The following NEDD4L variants were observed in gnomAD, a reference collection of about 807,000 sequenced individuals.
NEDD4L encodes E3 ubiquitin-protein ligase NEDD4-like.
NEDD4L carries 54 observed loss-of-function variants against 148.9 expected under a neutral mutation model. That is an observed-to-expected ratio of 0.36 (90% CI 0.29 to 0.45). The LOEUF (loss-of-function observed/expected upper bound fraction) is 0.45. NEDD4L is among the 20% of genes least tolerant of loss of function. The pLI is 1.00. For missense variants in NEDD4L, 856 were observed against 1,233.8 expected (o/e 0.69, Z 4.59); for synonymous variants, 433 against 440.7 (o/e 0.98, Z 0.22).
intron 19 of NEDD4L, chr18:58,359,761 A>C (rs2045227825): frequency 6.6e-6 from 1 of 152,074 alleles, no homozygotes; most frequent in Non-Finnish European, 1.5e-5. Context: ...TTGGAAATGC[A>C]AGTTTTCAGG....
chr18:58,137,567 T>C (rs1046701222), intron 1 of NEDD4L, among the ~76,000 whole-genome samples: 1 of 152,230 alleles, frequency 6.6e-6, no homozygotes, highest in African/African-American at 2.4e-5. Context: ...GTGTATTCAC[T>C]GCCTGTCCTT....
intron 18 of NEDD4L, chr18:58,351,350 A>G (rs1372645481): frequency 1.2e-5 from 2 of 168,288 alleles, no homozygotes; most frequent in African/African-American, 4.8e-5. Flanking sequence ...CATTTAATAA[A>G]TACACTCTGG....
At chr18:58,383,748 G>A (rs2022868176) in intron 25 of NEDD4L, among the ~76,000 whole-genome samples, 1 of 152,150 alleles carries the variant, frequency 6.6e-6, no homozygotes, top group South Asian at 2.1e-4. Flanking sequence ...AGTTAAAATG[G>A]ATAGGAAGAA....
intron 1 of NEDD4L, among the ~76,000 whole-genome samples, chr18:58,064,314 G>C (rs569310079): frequency 2.6e-5 from 4 of 152,286 alleles, no homozygotes; most frequent in African/African-American, 9.6e-5. Flanking sequence ...GATGTTTATA[G>C]CTGGTATATC....
At chr18:58,279,708 G>A (rs1261664210) in intron 5 of NEDD4L, among the ~76,000 whole-genome samples, 1 of 152,202 alleles carries the variant, frequency 6.6e-6, no homozygotes, top group Admixed American at 6.5e-5. Flanking sequence ...CATGCTCTGT[G>A]ATGTAATTGG....
chr18:58,377,840 T>G (rs2047774658), intron 24 of NEDD4L, among the ~76,000 whole-genome samples: 1 of 152,176 alleles, frequency 6.6e-6, no homozygotes. Flanking sequence ...GCCTCCTACT[T>G]TCAAGCAATT....
chr18:58,145,603 C>T (rs2034016046), intron 1 of NEDD4L, among the ~76,000 whole-genome samples: 1 of 151,274 alleles, frequency 6.6e-6, no homozygotes, highest in African/African-American at 2.4e-5. Flanking sequence ...CCAATTTTAT[C>T]AAACCTATGG....
At chr18:58,375,863 TTGG>T (rs2047495991) in intron 24 of NEDD4L, among the ~76,000 whole-genome samples, 1 of 152,208 alleles carries the variant, frequency 6.6e-6, no homozygotes, top group African/African-American at 2.4e-5. Flanking sequence ...CAGTCAAGTC[TTGG>T]TGGCTTTTTT....
At chr18:58,394,510 C>G (rs2050234785) in intron 30 of NEDD4L, among the ~76,000 whole-genome samples, 1 of 152,258 alleles carries the variant, frequency 6.6e-6, no homozygotes, top group Non-Finnish European at 1.5e-5. Context: ...AAGCCTGAAG[C>G]CACTTTCGGT....
intron 5 of NEDD4L, among the ~76,000 whole-genome samples, chr18:58,266,746 TG>T (rs2050276925): frequency 6.6e-6 from 1 of 152,172 alleles, no homozygotes; most frequent in Non-Finnish European, 1.5e-5. Flanking sequence ...GCAGTATTCA[TG>T]GATGTGACTT....
chr18:58,379,284 A>G (rs181997271), intron 24 of NEDD4L, among the ~76,000 whole-genome samples: 14 of 152,146 alleles, frequency 9.2e-5, no homozygotes, highest in African/African-American at 3.4e-4. Context: ...GTCCACCCTC[A>G]TGACGGGGGC....
intron 1 of NEDD4L, among the ~76,000 whole-genome samples, chr18:58,061,720 A>G (rs1192766551): frequency 1.3e-5 from 2 of 152,240 alleles, no homozygotes; most frequent in African/African-American, 2.4e-5. Context: ...TGTAAAACTT[A>G]TAACTTAAAA....
intron 5 of NEDD4L, among the ~76,000 whole-genome samples, chr18:58,259,765 T>C (rs1333307105): frequency 6.6e-6 from 1 of 152,192 alleles, no homozygotes; most frequent in Non-Finnish European, 1.5e-5. Context: ...CTACTGCATA[T>C]GCTATTGGAG....
intron 2 of NEDD4L, among the ~76,000 whole-genome samples, chr18:58,183,971 C>T (rs1021817851): frequency 5.3e-5 from 8 of 152,146 alleles, no homozygotes; most frequent in African/African-American, 1.9e-4. Context: ...AGATCAAGGC[C>T]ATCCTGGCTA....
At chr18:58,380,335 T>TA (rs60461777) in intron 24 of NEDD4L, among the ~76,000 whole-genome samples, 5 of 151,072 alleles carry the variant, frequency 3.3e-5, no homozygotes, top group African/African-American at 1.2e-4. Context: ...TTTATTTATT[T>TA]TGAGATGGAG....
At chr18:58,151,210 A>C (rs767073343) in intron 1 of NEDD4L, among the ~76,000 whole-genome samples, 9 of 152,192 alleles carry the variant, frequency 5.9e-5, no homozygotes, top group Non-Finnish European at 7.3e-5. Context: ...AGTGGTGTCA[A>C]GGGAAAGAAA....
At chr18:58,263,660 CTT>C (rs71173041) in intron 5 of NEDD4L, among the ~76,000 whole-genome samples, 6 of 103,704 alleles carry the variant, frequency 5.8e-5, no homozygotes, top group East Asian at 2.7e-4. Flanking sequence ...ACTTCTTAGG[CTT>C]TTTTTTTTTT....
chr18:58,386,729 G>C (rs531573285), intron 26 of NEDD4L, among the ~76,000 whole-genome samples: 2 of 152,296 alleles, frequency 1.3e-5, no homozygotes, highest in South Asian at 4.1e-4. Context: ...GCTCTCGTGG[G>C]GTGATGCTTT....
intron 2 of NEDD4L, among the ~76,000 whole-genome samples, chr18:58,186,679 A>T (rs984147865): frequency 3.3e-5 from 5 of 152,238 alleles, no homozygotes; most frequent in Admixed American, 2.0e-4. Flanking sequence ...AAAATGGAGG[A>T]TGAGAAAGGT....
Sources: gnomAD v4.1 joint callset for allele counts (sites outside exome capture counted in the v4.1 genomes callset) on GRCh38, gnomAD v4.1.1 for gene constraint, MANE v1.5 for transcripts, NCBI Gene and HGNC (gene_info 2026-07-23, HGNC 2026-07-21) for gene names.